RAP1A: variants seen among roughly 807,000 people sequenced by gnomAD.
The protein encoded by RAP1A is RAP1A, member of RAS oncogene family.
Under a neutral mutation model 26.4 loss-of-function variants are expected in RAP1A, and 6 were observed. The observed-to-expected ratio is 0.23, with a 90% CI of 0.12 to 0.45. The LOEUF (loss-of-function observed/expected upper bound fraction) is 0.45, where lower values mean the gene tolerates loss of function less well. Among genes scored for constraint, RAP1A ranks in the 20% least tolerant of loss-of-function variants. RAP1A has a pLI of 0.99. For missense variants in RAP1A, 121 were observed against 217.2 expected, an observed-to-expected ratio of 0.56 and a Z score of 2.78; for synonymous variants, 73 against 79.4, an observed-to-expected ratio of 0.92 and a Z score of 0.43.
chr1:111,592,650 TG>T (rs1197798054), intron 1 of RAP1A, among the ~76,000 whole-genome samples: 1 of 152,224 alleles, frequency 6.6e-6, no homozygotes, highest in Non-Finnish European at 1.5e-5. Context: ...ATCTCTGTTG[TG>T]GGAGAACTCT....
intron 1 of RAP1A, among the ~76,000 whole-genome samples, chr1:111,580,481 G>A (rs557419079): frequency 6.6e-6 from 1 of 152,286 alleles, no homozygotes; most frequent in African/African-American, 2.4e-5. Flanking sequence ...TTTGGAATTG[G>A]CATTTACATT....
chr1:111,620,560 A>G (rs1659165196), intron 1 of RAP1A, among the ~76,000 whole-genome samples: 1 of 151,824 alleles, frequency 6.6e-6, no homozygotes, highest in Admixed American at 6.5e-5. Context: ...GTCAGGGTTC[A>G]GGGTCTCCCT....
chr1:111,663,272 C>T lies in RAP1A; in HGVS notation c.-27-28062C>T, dbSNP rs192385079. ...GGGTTCCCTGGTCTCCAACATTTCC[C>T]TCACTTCCCCCAGTGTATATATTCT... On this transcript the variant is annotated intron_variant, in intron 1 of 7. Transcript: ENST00000369709. 2.3e-3 allele frequency among the ~76,000 whole-genome samples: 349 copies of T among 152,276 alleles called. 1 individual carries two copies. Among genetic ancestry groups the T allele is most frequent in the Non-Finnish European group, 3.7e-3 (252 of 68,016 alleles).
intron 1 of RAP1A, among the ~76,000 whole-genome samples, chr1:111,647,874 A>G (rs1043230334): frequency 2.8e-4 from 43 of 152,174 alleles, no homozygotes; most frequent in Non-Finnish European, 3.1e-4. Flanking sequence ...CATAGCTTTT[A>G]GAATGTTTAG....
chr1:111,716,169 T>A lies in RAP1A; in HGVS notation c.*3768T>A, dbSNP rs747164375. The A allele has an allele frequency of 3.9e-5, 6 of 152,180 alleles. No individual in the cohort carries two copies. The highest frequency in any genetic ancestry group is 8.8e-5 in the Non-Finnish European group (6 of 68,024). 9.4% of individuals were successfully genotyped at this position (152,180 alleles called of 1,614,324 possible). A position where few individuals can be genotyped will look rare whatever the true frequency, so the allele number is the denominator to read the frequency against. On this transcript the variant is annotated 3_prime_UTR_variant, in exon 8 of 8. Transcript: ENST00000369709. ...TTAAAATATCCCCTCTTGAATCAGC[T>A]CCAGGCTTAAAAGGGCAGAGTGGTT...
exon 1 of RAP1A, chr1:111,542,227 G>GTACTGA: frequency 1.7e-6 from 1 of 603,894 alleles, no homozygotes; most frequent in South Asian, 1.4e-5. Flanking sequence ...CATCCTTCGC[G>GTACTGA]TACTGACGGA....
At chr1:111,569,270 G>A (rs141296902) in intron 1 of RAP1A, among the ~76,000 whole-genome samples, 11 of 151,938 alleles carry the variant, frequency 7.2e-5, no homozygotes, top group South Asian at 2.1e-4. Flanking sequence ...GAATGGTGGC[G>A]TGCACCTACA....
chr1:111,608,306 G>C (rs1407347845), intron 1 of RAP1A: 1 of 160,408 alleles, frequency 6.2e-6, no homozygotes, highest in Non-Finnish European at 1.4e-5. Flanking sequence ...GACGATGGGC[G>C]GCCGGGCAGA....
At chr1:111,580,920 A>C (rs1658245283) in intron 1 of RAP1A, among the ~76,000 whole-genome samples, 1 of 151,570 alleles carries the variant, frequency 6.6e-6, no homozygotes, top group Admixed American at 6.6e-5. Context: ...AGAATTTAAG[A>C]GGCAGAGCAA....
At chr1:111,629,118 C>T (rs1421556445) in intron 1 of RAP1A, among the ~76,000 whole-genome samples, 2 of 151,946 alleles carry the variant, frequency 1.3e-5, no homozygotes, top group Admixed American at 6.6e-5. Flanking sequence ...TTAAAAAAAC[C>T]AGTCGTGTGA....
chr1:111,587,081 C>G (rs911038027), intron 1 of RAP1A, among the ~76,000 whole-genome samples: 1 of 152,020 alleles, frequency 6.6e-6, no homozygotes, highest in Non-Finnish European at 1.5e-5. Flanking sequence ...CTGCTCCCAG[C>G]CCTACTCCTC....
In RAP1A at chr1:111,590,668, G is replaced by T. The variant is rs1415803; in HGVS notation, c.-28+48159G>T. Among the ~76,000 whole-genome samples the T allele has an allele frequency of 8.1e-3, 1,220 of 150,970 alleles. 18 individuals are homozygous for T. The highest frequency in any genetic ancestry group is 0.028 in the African/African-American group (1,161 of 41,034). On this transcript the variant is annotated intron_variant, in intron 1 of 7. Transcript: ENST00000356415. ...TTGAACTCCTGAAAGTGATCCACCC[G>T]CCTCGGCCTCCCAAAGTGCTGGGAT...
intron 1 of RAP1A, among the ~76,000 whole-genome samples, chr1:111,564,903 A>G (rs1341912416): frequency 2.0e-5 from 3 of 152,164 alleles, no homozygotes; most frequent in Non-Finnish European, 4.4e-5. Context: ...GCTATCATGA[A>G]ACTTGCATTA....
At chr1:111,696,511 A>G (rs1032280507) in intron 3 of RAP1A, among the ~76,000 whole-genome samples, 8 of 152,190 alleles carry the variant, frequency 5.3e-5, no homozygotes, top group African/African-American at 1.9e-4. Flanking sequence ...GGTGGGGTGG[A>G]TGAGTTTGTG....
chr1:111,672,630 AT>A (rs1661010131), intron 1 of RAP1A, among the ~76,000 whole-genome samples: 11 of 152,164 alleles, frequency 7.2e-5, no homozygotes, highest in Admixed American at 6.5e-4. Context: ...ATAGATAGGT[AT>A]CCCCAAAGAG....
At chr1:111,646,799 A>G (rs1660085629) in intron 1 of RAP1A, among the ~76,000 whole-genome samples, 1 of 152,178 alleles carries the variant, frequency 6.6e-6, no homozygotes, top group Non-Finnish European at 1.5e-5. Context: ...TCGGCTTCCC[A>G]AAGTGCCGGG....
chr1:111,551,115 C>A (rs1428069032), intron 1 of RAP1A, among the ~76,000 whole-genome samples: 3 of 152,094 alleles, frequency 2.0e-5, no homozygotes, highest in African/African-American at 7.2e-5. Context: ...TACTTTCAAC[C>A]TGTTTGTGTC....
In RAP1A at chr1:111,656,068, T is replaced by C. The variant is rs189721433; in HGVS notation, c.-27-35266T>C. 9.2e-5 allele frequency among the ~76,000 whole-genome samples: 14 copies of C among 152,288 alleles called. No homozygotes were observed. In the East Asian group the frequency reaches 2.5e-3, roughly 27 times the overall value. On this transcript the variant is annotated intron_variant, in intron 1 of 7. Transcript: ENST00000369709. ...ATGACAACTGGATAAAAGTGTATTA[T>C]ATAAATAAAGATTCATTGCAGCATT...
At chr1:111,688,494 T>G (rs1252193874) in intron 1 of RAP1A, among the ~76,000 whole-genome samples, 2 of 151,854 alleles carry the variant, frequency 1.3e-5, no homozygotes, top group African/African-American at 4.8e-5. Flanking sequence ...TAATTTTTTG[T>G]ACTTTAGTAG....
Sources: allele counts gnomAD v4.1 joint callset (sites outside exome capture counted in the v4.1 genomes callset), GRCh38; gene constraint gnomAD v4.1.1; transcripts MANE v1.5; gene names NCBI Gene and HGNC (gene_info 2026-07-23, HGNC 2026-07-21).